The following STK32B variants were observed in gnomAD, a reference collection of about 807,000 sequenced individuals.
STK32B encodes serine/threonine kinase 32B, also known as serine/threonine-protein kinase 32B.
A neutral mutation model predicts 52.6 loss-of-function variants in STK32B; 43 were observed. The observed-to-expected ratio is 0.82, with a 90% CI of 0.64 to 1.05. STK32B has a LOEUF of 1.05. STK32B is among the 50% of genes least tolerant of loss of function. The probability of loss-of-function intolerance (pLI) is 0.00; values close to 1 mark genes in which losing one functional copy is unlikely to be tolerated. For missense variants in STK32B, 621 were observed against 534.6 expected (o/e 1.16, Z -1.59); for synonymous variants, 238 against 204.3 (o/e 1.17, Z -1.41).
At position 5,485,353 on chromosome 4, in the gene STK32B, G is replaced by A. The variant is rs537671309; in HGVS notation, c.1107-13592G>A. On this transcript the variant is annotated intron_variant, in intron 11 of 11. Coordinates refer to ENST00000282908, the MANE Select transcript of STK32B (RefSeq NM_018401.3). ...TTCATTCATTTCATCTTCCATCACT[G>A]ATACCCTTTCTTCCAGTTGATCGAA... Among the ~76,000 whole-genome samples, 486 of 151,968 alleles carry A rather than the reference G, an allele frequency of 3.2e-3. 3 individuals carry two copies. The highest frequency in any genetic ancestry group is 0.011 in the African/African-American group (443 of 41,438).
intron 8 of STK32B, among the ~76,000 whole-genome samples, chr4:5,458,283 C>G (rs894692639): frequency 6.6e-6 from 1 of 152,174 alleles, no homozygotes; most frequent in African/African-American, 2.4e-5. Flanking sequence ...CTGAGTCTTG[C>G]ATGGAGCTGA....
rs796464416 is a variant in STK32B at position 5,317,192 on chromosome 4, CAT to C, written c.261-14019_261-14018del. ...TATAACATATAATATATATATATAACATATATATATTATATATATAACATATA... is the reference window on the plus strand; with the variant it reads ...TATAACATATAATATATATATATAACATATATATTATATATATAACATATA... On this transcript the variant is annotated intron_variant, in intron 3 of 11. Transcript: ENST00000282908. Among the ~76,000 whole-genome samples the C allele has an allele frequency of 7.9e-3, 303 of 38,314 alleles. 16 individuals carry two copies. The highest frequency in any genetic ancestry group is 0.05 in the East Asian group (42 of 842). 25.1% of individuals were successfully genotyped at this position (38,314 alleles called of 152,430 possible).
intron 4 of STK32B, among the ~76,000 whole-genome samples, chr4:5,353,700 C>A (rs1013846118): frequency 6.6e-6 from 1 of 152,092 alleles, no homozygotes; most frequent in South Asian, 2.1e-4. Context: ...TATTATCTTA[C>A]CCCAGTTAGA....
intron 11 of STK32B, among the ~76,000 whole-genome samples, chr4:5,479,641 G>A (rs1718524186): frequency 6.6e-6 from 1 of 152,206 alleles, no homozygotes; most frequent in African/African-American, 2.4e-5. Context: ...GGAGGTGGCA[G>A]CAGGGCTTGG....
At chr4:5,036,973 G>A in the STK32B span, among the ~76,000 whole-genome samples, 1 of 152,086 alleles carries the variant, frequency 6.6e-6, no homozygotes, top group Non-Finnish European at 1.5e-5. Flanking sequence ...GCCAAGGGTG[G>A]AATTTAAAAT....
chr4:5,305,120 G>T (rs1157912774), intron 3 of STK32B, among the ~76,000 whole-genome samples: 1 of 152,052 alleles, frequency 6.6e-6, no homozygotes, highest in Non-Finnish European at 1.5e-5. Flanking sequence ...TTGCAGCTAT[G>T]TTCATCAGGG....
chr4:5,389,466 C>T (rs374100742), intron 4 of STK32B, among the ~76,000 whole-genome samples: 1 of 152,264 alleles, frequency 6.6e-6, no homozygotes, highest in African/African-American at 2.4e-5. Context: ...TGCTGCTCTT[C>T]ACAAGACCGT....
intron 3 of STK32B, among the ~76,000 whole-genome samples, chr4:5,285,734 T>C (rs1404097269): frequency 3.3e-5 from 5 of 152,166 alleles, no homozygotes; most frequent in African/African-American, 7.2e-5. Context: ...ATAGATCAAA[T>C]GGTAAGTAGC....
At chr4:5,192,489 C>T (rs764154965) in intron 3 of STK32B, among the ~76,000 whole-genome samples, 5 of 152,164 alleles carry the variant, frequency 3.3e-5, no homozygotes, top group South Asian at 2.1e-4. Context: ...AAAGTCAGAT[C>T]GCTAACGGAA....
chr4:5,497,285 T>G (rs1167263061), intron 11 of STK32B, among the ~76,000 whole-genome samples: 5 of 152,184 alleles, frequency 3.3e-5, no homozygotes, highest in African/African-American at 4.8e-5. Flanking sequence ...CAAAAGCCAA[T>G]TAAACACAAG....
the STK32B span, among the ~76,000 whole-genome samples, chr4:5,036,262 C>G: frequency 6.6e-6 from 1 of 152,148 alleles, no homozygotes; most frequent in African/African-American, 2.4e-5. Context: ...TGTTTTGTCC[C>G]CCACTGAGTA....
At chr4:5,163,538 C>CTGTGTGTGTGTGTGTGTGTG (rs3077842) in intron 2 of STK32B, among the ~76,000 whole-genome samples, 61 of 139,434 alleles carry the variant, frequency 4.4e-4, no homozygotes, top group Admixed American at 1.5e-3. Flanking sequence ...AGAGTGAAGG[C>CTGTGTGTGTGTGTGTGTGTG]TGTGTGTGTG....
intron 9 of STK32B, among the ~76,000 whole-genome samples, chr4:5,463,567 C>T (rs3774816): frequency 0.14 from 21,337 of 152,056 alleles, 1,872 homozygotes; most frequent in East Asian, 0.46. Context: ...CACACACATA[C>T]CTACTCATCC....
chr4:5,083,616 C>A (rs185589322), intron 1 of STK32B, among the ~76,000 whole-genome samples: 5 of 152,274 alleles, frequency 3.3e-5, no homozygotes, highest in African/African-American at 1.2e-4. Flanking sequence ...TAGAATTATT[C>A]CCAGTATTCA....
intron 4 of STK32B, among the ~76,000 whole-genome samples, chr4:5,333,401 G>T (rs558584913): frequency 6.6e-6 from 1 of 152,078 alleles, no homozygotes; most frequent in South Asian, 2.1e-4. Flanking sequence ...GAGTAGGTTG[G>T]GAAAATGTTC....
chr4:5,069,794 T>C (rs1256047423), intron 1 of STK32B, among the ~76,000 whole-genome samples: 1 of 152,172 alleles, frequency 6.6e-6, no homozygotes, highest in African/African-American at 2.4e-5. Flanking sequence ...AAGGCACAGA[T>C]TTTGGGATCA....
Position 5,294,129 on chromosome 4 carries a change from T to C in STK32B, c.261-37091T>C, listed in dbSNP as rs558923753. ...GTGGCATTATTTCTGAGGCCTCTGT[T>C]CTGTTCCATTGGTCTATATATCTGT... On this transcript the variant is annotated intron_variant, in intron 3 of 11. Coordinates refer to ENST00000282908, the MANE Select transcript of STK32B (RefSeq NM_018401.3). Among the ~76,000 whole-genome samples the C allele has an allele frequency of 5.3e-4, 80 of 152,168 alleles. 1 individual carries two copies. The highest frequency in any genetic ancestry group is 1.1e-3 in the Non-Finnish European group (73 of 68,024).
At chr4:5,121,163 T>G (rs1225349328) in intron 1 of STK32B, among the ~76,000 whole-genome samples, 1 of 152,196 alleles carries the variant, frequency 6.6e-6, no homozygotes, top group Non-Finnish European at 1.5e-5. Context: ...CATTTATAGG[T>G]GAGAACAAAT....
chr4:5,181,950 T>C (rs1359703651), intron 3 of STK32B, among the ~76,000 whole-genome samples: 3 of 152,216 alleles, frequency 2.0e-5, no homozygotes, highest in African/African-American at 7.2e-5. Context: ...TTACCTGTGG[T>C]AGAACTTCTT....
Sources: allele counts gnomAD v4.1 joint callset (sites outside exome capture counted in the v4.1 genomes callset), GRCh38; gene constraint gnomAD v4.1.1; transcripts MANE v1.5; gene names NCBI Gene and HGNC (gene_info 2026-07-23, HGNC 2026-07-21).